The following ERBIN variants were observed in gnomAD, a reference collection of about 807,000 sequenced individuals.
ERBIN encodes the protein densin-180-like protein.
A neutral mutation model predicts 158.4 loss-of-function variants in ERBIN; 60 were observed. The observed-to-expected ratio is 0.38, with a 90% CI of 0.31 to 0.47. The LOEUF (loss-of-function observed/expected upper bound fraction) is 0.47. Ranked by LOEUF, ERBIN falls within the 20% of genes least tolerant of loss-of-function variation. ERBIN has a pLI of 0.99. For synonymous variants in ERBIN, 594 were observed against 557.2 expected (o/e 1.07, Z -0.93); for missense variants, 1,610 against 1,648.0 (o/e 0.98, Z 0.40).
chr5:65,990,612 C>G (rs555208140), intron 2 of ERBIN, among the ~76,000 whole-genome samples: 1 of 151,034 alleles, frequency 6.6e-6, no homozygotes, highest in East Asian at 2.0e-4. Flanking sequence ...GAGCTGAGAT[C>G]GTGCCACTGC....
At chr5:65,957,981 G>A (rs1228756324) in intron 1 of ERBIN, among the ~76,000 whole-genome samples, 11 of 151,940 alleles carry the variant, frequency 7.2e-5, no homozygotes, top group Non-Finnish European at 1.5e-4. Context: ...CCTCCCAGAC[G>A]GGGTCGCGGC....
intron 4 of ERBIN, among the ~76,000 whole-genome samples, chr5:66,003,171 C>G (rs1753184394): frequency 6.6e-6 from 1 of 152,118 alleles, no homozygotes; most frequent in South Asian, 2.1e-4. Context: ...GTAATCATTG[C>G]CTTTGGAGTG....
chr5:66,066,299 A>G (rs903958058), intron 21 of ERBIN, among the ~76,000 whole-genome samples: 1 of 152,030 alleles, frequency 6.6e-6, no homozygotes, highest in Non-Finnish European at 1.5e-5. Context: ...GAGGATCTCT[A>G]TTCACTCCCC....
At chr5:65,954,765 A>C (rs1174038361) in intron 1 of ERBIN, among the ~76,000 whole-genome samples, 11 of 151,898 alleles carry the variant, frequency 7.2e-5, no homozygotes, top group African/African-American at 2.7e-4. Flanking sequence ...CAGAACTGAA[A>C]AAAAAAAAAT....
intron 8 of ERBIN, chr5:66,022,762 A>T (rs1263269121): frequency 6.6e-6 from 1 of 152,502 alleles, no homozygotes. Flanking sequence ...AAATTACAGT[A>T]TATTTGTATC....
intron 14 of ERBIN, among the ~76,000 whole-genome samples, chr5:66,034,286 A>G (rs1580417310): frequency 6.6e-6 from 1 of 151,376 alleles, no homozygotes; most frequent in East Asian, 1.9e-4. Flanking sequence ...AATTTTCCAT[A>G]CTCATAGCTG....
chr5:66,080,521 C>T lies in ERBIN; in HGVS notation c.*1991C>T, dbSNP rs769883039. On this transcript the variant is annotated 3_prime_UTR_variant, in exon 26 of 26. Coordinates refer to ENST00000284037, the MANE Select transcript of ERBIN (RefSeq NM_001253697.2). ...CAAACAGCTTCTTTAAGACAAGTCT[C>T]GGTGTTCCCTTTATTCTTAGTTTGT... 4 of 151,124 alleles carry T rather than the reference C, an allele frequency of 2.6e-5. No individual in the cohort carries two copies. Among genetic ancestry groups the T allele is most frequent in the Non-Finnish European group, 5.9e-5 (4 of 67,696 alleles). 9.4% of individuals were successfully genotyped at this position (151,124 alleles called of 1,614,324 possible).
chr5:65,939,482 T>C (rs2561240), intron 1 of ERBIN, among the ~76,000 whole-genome samples: 128,654 of 152,004 alleles, frequency 0.85, 55,071 homozygotes, highest in African/African-American at 0.92. Context: ...GCCCAGCATC[T>C]TCACCAAGAG....
intron 1 of ERBIN, among the ~76,000 whole-genome samples, chr5:65,944,789 G>T (rs1209247585): frequency 6.6e-6 from 1 of 152,136 alleles, no homozygotes; most frequent in African/African-American, 2.4e-5. Context: ...TATCTTTGGA[G>T]AAATGACTAT....
At chr5:65,951,445 G>C (rs575487234) in intron 1 of ERBIN, among the ~76,000 whole-genome samples, 1 of 152,158 alleles carries the variant, frequency 6.6e-6, no homozygotes, top group Non-Finnish European at 1.5e-5. Context: ...TGAGAAATCT[G>C]TCGTGAGGCC....
intron 1 of ERBIN, among the ~76,000 whole-genome samples, chr5:65,985,461 G>A (rs1436311794): frequency 6.6e-6 from 1 of 152,230 alleles, no homozygotes; most frequent in African/African-American, 2.4e-5. Flanking sequence ...TCTCTAGGGA[G>A]AGGGTATAGT....
At chr5:65,978,832 A>G (rs1750326912) in intron 1 of ERBIN, among the ~76,000 whole-genome samples, 1 of 152,236 alleles carries the variant, frequency 6.6e-6, no homozygotes, top group South Asian at 2.1e-4. Context: ...GAAATCATGT[A>G]GTCCTGCAAA....
rs140452973 is a variant in ERBIN, at chr5:65,954,805, C to T, written c.-58+27999C>T. 1.8e-3 allele frequency among the ~76,000 whole-genome samples: 275 copies of T among 151,780 alleles called. 2 individuals carry two copies. The highest frequency in any genetic ancestry group is 6.4e-3 in the African/African-American group (265 of 41,370). ...TGTAGGCCAGGTGCGATGGCTCACACCTGTAATCTCAGCACTTTGGGAGGC... is the reference window on the plus strand; with the variant it reads ...TGTAGGCCAGGTGCGATGGCTCACATCTGTAATCTCAGCACTTTGGGAGGC... On this transcript the variant is annotated intron_variant, in intron 1 of 25. Coordinates refer to ENST00000284037, the MANE Select transcript of ERBIN (RefSeq NM_001253697.2).
intron 1 of ERBIN, among the ~76,000 whole-genome samples, chr5:65,971,024 A>G (rs1749184851): frequency 6.6e-6 from 1 of 152,230 alleles, no homozygotes; most frequent in African/African-American, 2.4e-5. Flanking sequence ...TGTATTTAGC[A>G]TCAGAAAGCC....
chr5:65,954,819 A>T (rs1430434253), intron 1 of ERBIN, among the ~76,000 whole-genome samples: 1 of 151,848 alleles, frequency 6.6e-6, no homozygotes, highest in Non-Finnish European at 1.5e-5. Flanking sequence ...TAATCTCAGC[A>T]CTTTGGGAGG....
At chr5:66,066,410 A>G (rs2151284789) in intron 21 of ERBIN, among the ~76,000 whole-genome samples, 1 of 152,142 alleles carries the variant, frequency 6.6e-6, no homozygotes, top group African/African-American at 2.4e-5. Context: ...CAGTTCCCAA[A>G]TTAAAATTTG....
chr5:66,043,213 T>TA lies in ERBIN; in HGVS notation c.1428+16dup, dbSNP rs750433385. On this transcript the variant is annotated intron_variant, in intron 16 of 25. Transcript: ENST00000284037. ...CACCTCCCAGGGTGAGTCTGTTCTT[T>TA]ATTCTTTAAAATTTGAAACAAGTCT... The TA allele has an allele frequency of 9.3e-6, 15 of 1,608,344 alleles. No individual in the cohort carries two copies. The African/African-American group carries it at 2.0e-4, about 22-fold the overall frequency.
intron 21 of ERBIN, 25 bp downstream of exon 21, chr5:66,054,976 A>G (rs1250664352): frequency 1.3e-6 from 2 of 1,520,180 alleles, no homozygotes; most frequent in Non-Finnish European, 1.8e-6. Context: ...GTTTTTCATT[A>G]TTTTCTTTAT....
intron 15 of ERBIN, among the ~76,000 whole-genome samples, chr5:66,042,552 C>A (rs958553304): frequency 6.6e-6 from 1 of 152,010 alleles, no homozygotes; most frequent in Admixed American, 6.6e-5. Context: ...AAAGGAAATG[C>A]TCATTAGAAT....
Sources: allele counts gnomAD v4.1 joint callset (sites outside exome capture counted in the v4.1 genomes callset), GRCh38; gene constraint gnomAD v4.1.1; transcripts MANE v1.5; gene names NCBI Gene and HGNC (gene_info 2026-07-23, HGNC 2026-07-21).